STK32B: variants seen among roughly 807,000 people sequenced by gnomAD.
STK32B encodes the protein serine/threonine kinase 32B, also known as serine/threonine-protein kinase 32B.
STK32B carries 43 observed loss-of-function variants against 52.6 expected under a neutral mutation model. The observed-to-expected ratio is 0.82, with a 90% CI of 0.64 to 1.05. The LOEUF is 1.05. STK32B is among the 50% of genes least tolerant of loss of function. STK32B has a pLI of 0.00. For missense variants in STK32B, 621 were observed against 534.6 expected (o/e 1.16, Z -1.59); for synonymous variants, 238 against 204.3 (o/e 1.17, Z -1.41).
At chr4:5,217,886 T>C (rs2108793058) in intron 3 of STK32B, among the ~76,000 whole-genome samples, 1 of 152,368 alleles carries the variant, frequency 6.6e-6, no homozygotes, top group East Asian at 1.9e-4. Flanking sequence ...CTACCAGAAC[T>C]ATAGTGTTCT....
chr4:5,468,150 G>A, intron 11 of STK32B, 80 bp downstream of exon 11: 1 of 1,477,946 alleles, frequency 6.8e-7, no homozygotes, highest in African/African-American at 1.4e-5. Context: ...CACAGTCCCT[G>A]CCCCCCAAAC....
Position 5,243,095 on chromosome 4 carries a change from T to A in STK32B, c.260+74645T>A, listed in dbSNP as rs1725162101. Among the ~76,000 whole-genome samples, 3 of 152,254 alleles carry A rather than the reference T, an allele frequency of 2.0e-5. No individual in the cohort carries two copies. In the South Asian group the frequency reaches 6.2e-4, roughly 32 times the overall value. On this transcript the variant is annotated intron_variant, in intron 3 of 11. Transcript: ENST00000282908. ...TGGTTCCATATGAACTTTAAAGTAG[T>A]TTTTTCCAATTCTGTGAAGAAAGTC...
At chr4:5,457,289 C>T (rs1255445323) in intron 8 of STK32B, among the ~76,000 whole-genome samples, 1 of 147,616 alleles carries the variant, frequency 6.8e-6, no homozygotes. Flanking sequence ...AGTCTCGACT[C>T]ACTGCAAGCT....
intron 2 of STK32B, among the ~76,000 whole-genome samples, chr4:5,149,369 T>C (rs1717166190): frequency 6.6e-6 from 1 of 151,946 alleles, no homozygotes; most frequent in Non-Finnish European, 1.5e-5. Flanking sequence ...TATTGTTGTT[T>C]TATTTGTTTT....
intron 1 of STK32B, among the ~76,000 whole-genome samples, chr4:5,123,837 A>G (rs146250228): frequency 0.012 from 1,084 of 93,276 alleles, 18 homozygotes; most frequent in African/African-American, 0.036. Context: ...ATCCATGACA[A>G]CTATGATTAC....
At chr4:5,194,521 G>T (rs540925548) in intron 3 of STK32B, among the ~76,000 whole-genome samples, 4 of 152,330 alleles carry the variant, frequency 2.6e-5, no homozygotes, top group African/African-American at 9.6e-5. Flanking sequence ...TGAGTTTACT[G>T]TGAAAATGTA....
chr4:5,427,174 A>G (rs1419227616), intron 6 of STK32B, among the ~76,000 whole-genome samples: 3 of 152,184 alleles, frequency 2.0e-5, no homozygotes, highest in Admixed American at 1.3e-4. Context: ...TTTCTCTTCT[A>G]TAGTCTGTTG....
At chr4:5,315,117 A>G (rs1730576590) in intron 3 of STK32B, among the ~76,000 whole-genome samples, 1 of 152,196 alleles carries the variant, frequency 6.6e-6, no homozygotes, top group South Asian at 2.1e-4. Flanking sequence ...TGAGTTCTCA[A>G]GTCTCAACAG....
At chr4:5,328,053 C>T (rs2108949395) in intron 3 of STK32B, among the ~76,000 whole-genome samples, 1 of 152,260 alleles carries the variant, frequency 6.6e-6, no homozygotes, top group South Asian at 2.1e-4. Context: ...CCAACCTTTG[C>T]TAGCTTCCAG....
At chr4:5,132,507 A>C (rs527600820) in intron 1 of STK32B, among the ~76,000 whole-genome samples, 1 of 152,184 alleles carries the variant, frequency 6.6e-6, no homozygotes, top group Admixed American at 6.5e-5. Context: ...AAGGGGATGC[A>C]TAAGGGTGAG....
intron 3 of STK32B, among the ~76,000 whole-genome samples, chr4:5,315,611 C>T (rs1730619404): frequency 6.6e-6 from 1 of 151,628 alleles, no homozygotes; most frequent in Non-Finnish European, 1.5e-5. Flanking sequence ...ATTAATACCT[C>T]TGGAAAGAGT....
Position 5,442,826 on chromosome 4 carries a change from C to T in STK32B, c.563-3847C>T, listed in dbSNP as rs976400958. Among the ~76,000 whole-genome samples, 2 of 151,806 alleles carry T rather than the reference C, an allele frequency of 1.3e-5. 1 individual carries two copies. The highest frequency in any genetic ancestry group is 4.8e-5 in the African/African-American group (2 of 41,364). On this transcript the variant is annotated intron_variant, in intron 6 of 11. Transcript: ENST00000282908. ...TGGTGACACAATCTCTCAGCATTTG[C>T]TTGTCTGTAAAGGATTTTATTTCTC... is the stretch of plus-strand genomic sequence containing the variant.
At chr4:5,423,195 A>T (rs1487680719) in intron 6 of STK32B, among the ~76,000 whole-genome samples, 1 of 152,084 alleles carries the variant, frequency 6.6e-6, no homozygotes, top group African/African-American at 2.4e-5. Context: ...ACAGGAAAGC[A>T]TTAGGGGTCA....
chr4:5,349,244 G>A (rs1259592399), intron 4 of STK32B, among the ~76,000 whole-genome samples: 2 of 152,058 alleles, frequency 1.3e-5, no homozygotes, highest in African/African-American at 4.8e-5. Context: ...ACAGGCACAT[G>A]CACTCCATCA....
At chr4:5,353,314 G>GTTT (rs1733960982) in intron 4 of STK32B, among the ~76,000 whole-genome samples, 4 of 151,684 alleles carry the variant, frequency 2.6e-5, no homozygotes, top group African/African-American at 9.7e-5. Context: ...AAGAAAACAA[G>GTTT]GAAAACAATT....
chr4:5,331,416 G>A, intron 4 of STK32B, 23 bp downstream of exon 4: 1 of 1,593,288 alleles, frequency 6.3e-7, no homozygotes, highest in Non-Finnish European at 8.6e-7. Flanking sequence ...CTGGCGGGAT[G>A]CCTGGGACAG....
chr4:5,284,233 C>T (rs181575639), intron 3 of STK32B, among the ~76,000 whole-genome samples: 179 of 152,112 alleles, frequency 1.2e-3, no homozygotes, highest in African/African-American at 4.1e-3. Context: ...GTAGTAGCTG[C>T]TCAAAACATA....
intron 1 of STK32B, among the ~76,000 whole-genome samples, chr4:5,080,362 A>G (rs1454854349): frequency 6.6e-6 from 1 of 152,134 alleles, no homozygotes; most frequent in Non-Finnish European, 1.5e-5. Context: ...TATTCTTTGA[A>G]CACTCAGGCA....
intron 1 of STK32B, among the ~76,000 whole-genome samples, chr4:5,090,001 C>T (rs914881545): frequency 3.9e-5 from 6 of 152,192 alleles, no homozygotes; most frequent in South Asian, 2.1e-4. Flanking sequence ...TTGGTGGCTG[C>T]GTAAATGTTT....
Sources: gnomAD v4.1 joint callset for allele counts (sites outside exome capture counted in the v4.1 genomes callset) on GRCh38, gnomAD v4.1.1 for gene constraint, MANE v1.5 for transcripts, NCBI Gene and HGNC (gene_info 2026-07-23, HGNC 2026-07-21) for gene names.